Variants in UBASH3B observed in about 807,000 individuals in gnomAD.
UBASH3B encodes ubiquitin-associated and SH3 domain-containing protein B.
Under a neutral mutation model 83.4 loss-of-function variants are expected in UBASH3B, and 37 were observed. That is an observed-to-expected ratio of 0.44 (90% CI 0.34 to 0.58). UBASH3B has a LOEUF of 0.58. UBASH3B is among the 20% of genes least tolerant of loss of function. The probability of loss-of-function intolerance (pLI) is 0.01; values close to 1 mark genes in which losing one functional copy is unlikely to be tolerated. For missense variants in UBASH3B, 657 were observed against 827.2 expected, an observed-to-expected ratio of 0.79 and a Z score of 2.52; for synonymous variants, 304 against 318.3, an observed-to-expected ratio of 0.96 and a Z score of 0.48.
In UBASH3B at chr11:122,760,435, A is replaced by G. The variant is rs537584255; in HGVS notation, c.162-15784A>G. On this transcript the variant is annotated intron_variant, in intron 1 of 13. Transcript: ENST00000284273. ...GAGTGCAGTGGCTCAACCTTGGCTC[A>G]CTGCAACCTCCGCCTCCCGGGTTCA... Among the ~76,000 whole-genome samples, 92 of 151,652 alleles carry G rather than the reference A, an allele frequency of 6.1e-4. 1 individual carries two copies. The highest frequency in any genetic ancestry group is 1.1e-3 in the Non-Finnish European group (73 of 67,954).
In UBASH3B at chr11:122,796,273, A is replaced by G. The variant is rs1455479190; in HGVS notation, c.1231A>G (p.Lys411Glu). 10 of 1,614,028 alleles carry G rather than the reference A, an allele frequency of 6.2e-6. No homozygotes were observed. The highest frequency in any genetic ancestry group is 8.5e-6 in the Non-Finnish European group (10 of 1,179,926). ...KYWLSQCFDA[K>E]GRYIRTNLNM... ...CTGGCTGTCCCAGTGCTTCGATGCC[A>G]AAGGTGAGTTGGTGGTGGGCCTGCT... Residue 411 changes from lysine (K) to glutamate (E), a missense_variant, in exon 8 of 14, where the codon AAA (lysine) becomes GAA (glutamate). Coordinates refer to ENST00000284273, the MANE Select transcript of UBASH3B (RefSeq NM_032873.5).
chr11:122,791,224 A>G, intron 6 of UBASH3B, among the ~76,000 whole-genome samples: 1 of 152,326 alleles, frequency 6.6e-6, no homozygotes, highest in East Asian at 1.9e-4. Context: ...GCATTAGTTT[A>G]TTGTGATTAA....
intron 1 of UBASH3B, among the ~76,000 whole-genome samples, chr11:122,680,928 G>A (rs75512826): frequency 1.2e-4 from 18 of 152,264 alleles, no homozygotes; most frequent in East Asian, 1.2e-3. Context: ...CAGAGCTGCC[G>A]TGTCAAAGCC....
chr11:122,687,849 C>G (rs1040979842), intron 1 of UBASH3B, among the ~76,000 whole-genome samples: 1 of 152,176 alleles, frequency 6.6e-6, no homozygotes, highest in Non-Finnish European at 1.5e-5. Flanking sequence ...GAAGCCAGTT[C>G]TGTCCTGTCT....
intron 1 of UBASH3B, among the ~76,000 whole-genome samples, chr11:122,744,287 A>G (rs1156777913): frequency 1.3e-5 from 2 of 151,936 alleles, no homozygotes; most frequent in Non-Finnish European, 2.9e-5. Flanking sequence ...GCGCACATAA[A>G]TGTGTATGTG....
intron 3 of UBASH3B, among the ~76,000 whole-genome samples, chr11:122,778,509 G>A (rs892468931): frequency 4.7e-5 from 7 of 150,356 alleles, no homozygotes; most frequent in Non-Finnish European, 7.4e-5. Context: ...TAGAAAACAC[G>A]CAGCTTCTCC....
intron 1 of UBASH3B, among the ~76,000 whole-genome samples, chr11:122,744,278 C>T (rs117239497): frequency 6.6e-5 from 10 of 152,102 alleles, no homozygotes; most frequent in East Asian, 3.9e-4. Context: ...AGCCTGTGTG[C>T]GCACATAAAT....
At chr11:122,725,006 G>A (rs1376067396) in intron 1 of UBASH3B, among the ~76,000 whole-genome samples, 3 of 150,704 alleles carry the variant, frequency 2.0e-5, no homozygotes, top group Non-Finnish European at 1.5e-5. Flanking sequence ...AGGCTGGAGT[G>A]CAGTAGCACG....
At chr11:122,733,325 C>T (rs1474388997) in intron 1 of UBASH3B, among the ~76,000 whole-genome samples, 1 of 152,156 alleles carries the variant, frequency 6.6e-6, no homozygotes, top group Non-Finnish European at 1.5e-5. Flanking sequence ...TCCCTGGTGT[C>T]CAGTTTAAAA....
Position 122,801,302 on chromosome 11 carries a change from C to T in UBASH3B, c.1565C>T (p.Ala522Val). Residue 522 changes from alanine to valine, a missense_variant, in exon 11 of 14, where the codon GCA becomes GTA. Ala to Val is a moderately conservative substitution (Grantham distance 64). Coordinates refer to ENST00000284273, the MANE Select transcript of UBASH3B (RefSeq NM_032873.5). ...PAWIPPSELA[A>V]ANLSVDTTYR... ...TGGATACCTCCATCAGAGTTAGCTG[C>T]AGCCAACCTGAGTGTTGATACAACC... is the stretch of plus-strand genomic sequence containing the variant. The T allele has an allele frequency of 1.2e-6, 2 of 1,614,202 alleles. No individual in the cohort carries two copies. Among genetic ancestry groups the T allele is most frequent in the Non-Finnish European group, 1.7e-6 (2 of 1,180,038 alleles).
intron 1 of UBASH3B, among the ~76,000 whole-genome samples, chr11:122,690,236 TTATA>T (rs1211145295): frequency 3.9e-5 from 3 of 76,814 alleles, no homozygotes; most frequent in Non-Finnish European, 5.5e-5. Flanking sequence ...ATATCCAATT[TTATA>T]TATATATATA....
At chr11:122,696,955 G>C (rs1162662491) in intron 1 of UBASH3B, among the ~76,000 whole-genome samples, 2 of 152,148 alleles carry the variant, frequency 1.3e-5, no homozygotes, top group East Asian at 1.9e-4. Flanking sequence ...TTACCGTATT[G>C]TTTTTCAAGT....
Position 122,655,780 on chromosome 11 carries a change from A to C in UBASH3B, c.-270A>C. On this transcript the variant is annotated 5_prime_UTR_variant, in exon 1 of 14. Transcript: ENST00000284273. ...GGAAGGGGGCGGAGGAGACAGGGCT[A>C]CTGCAGGCGCAGAGCTGGGGGCAGC... The C allele has an allele frequency of 2.5e-6, 1 of 400,388 alleles. No homozygotes were observed. The highest frequency in any genetic ancestry group is 4.5e-6 in the Non-Finnish European group (1 of 224,616). 24.8% of individuals were successfully genotyped at this position (400,388 alleles called of 1,614,324 possible).
chr11:122,726,659 A>G (rs41521949), intron 1 of UBASH3B, among the ~76,000 whole-genome samples: 13,865 of 152,220 alleles, frequency 0.091, 762 homozygotes, highest in Non-Finnish European at 0.13. Flanking sequence ...TCTTTATGCA[A>G]CTATGAGCAA....
At chr11:122,699,517 CTCTT>C (rs1300135019) in intron 1 of UBASH3B, among the ~76,000 whole-genome samples, 2 of 138,048 alleles carry the variant, frequency 1.4e-5, no homozygotes, top group South Asian at 2.3e-4. Context: ...TTCTTTCTTT[CTCTT>C]TCTTTCTTTC....
At chr11:122,683,858 C>T (rs1863777189) in intron 1 of UBASH3B, among the ~76,000 whole-genome samples, 1 of 151,374 alleles carries the variant, frequency 6.6e-6, no homozygotes, top group Non-Finnish European at 1.5e-5. Flanking sequence ...CCAGTCTTTT[C>T]TGATTTTTTT....
At chr11:122,728,964 G>A (rs531817747) in intron 1 of UBASH3B, among the ~76,000 whole-genome samples, 5 of 151,980 alleles carry the variant, frequency 3.3e-5, no homozygotes, top group South Asian at 4.2e-4. Context: ...CCGGTCAGAC[G>A]GGGACAGAGA....
At chr11:122,780,855 G>A (rs977616301) in intron 4 of UBASH3B, among the ~76,000 whole-genome samples, 4 of 152,210 alleles carry the variant, frequency 2.6e-5, no homozygotes, top group African/African-American at 7.2e-5. Flanking sequence ...TGGAGGAGAC[G>A]TACAATTCCC....
intron 13 of UBASH3B, 52 bp downstream of exon 13, chr11:122,808,228 G>A: frequency 7.3e-7 from 1 of 1,363,570 alleles, no homozygotes; most frequent in Non-Finnish European, 1.1e-6. Context: ...TTTGAAGTCA[G>A]TACAGTGACT....
Sources: allele counts gnomAD v4.1 joint callset (sites outside exome capture counted in the v4.1 genomes callset), GRCh38; gene constraint gnomAD v4.1.1; transcripts MANE v1.5; gene names NCBI Gene and HGNC (gene_info 2026-07-23, HGNC 2026-07-21).